Variants in KIDINS220 observed in about 807,000 individuals in gnomAD.
KIDINS220 encodes kinase D interacting substrate 220, also known as kinase D-interacting substrate of 220 kDa.
A neutral mutation model predicts 157.6 loss-of-function variants in KIDINS220; 63 were observed. The observed-to-expected ratio is 0.40, with a 90% CI of 0.33 to 0.49. The LOEUF (loss-of-function observed/expected upper bound fraction) is 0.49, where lower values mean the gene tolerates loss of function less well. Among genes scored for constraint, KIDINS220 ranks in the 20% least tolerant of loss-of-function variants. The pLI is 0.66. For missense variants in KIDINS220, 1,772 were observed against 2,171.2 expected, an observed-to-expected ratio of 0.82 and a Z score of 3.65; for synonymous variants, 732 against 783.6, an observed-to-expected ratio of 0.93 and a Z score of 1.10.
chr2:8,751,911 G>A (rs1387289724), intron 22 of KIDINS220, among the ~76,000 whole-genome samples: 1 of 152,060 alleles, frequency 6.6e-6, no homozygotes, highest in African/African-American at 2.4e-5. Context: ...CACCATGTTG[G>A]CCAGGCTGGT....
At chr2:8,796,053 T>C (rs1005408509) in intron 11 of KIDINS220, among the ~76,000 whole-genome samples, 2 of 152,202 alleles carry the variant, frequency 1.3e-5, no homozygotes, top group African/African-American at 2.4e-5. Flanking sequence ...CATAAACACA[T>C]TGACTCGTGA....
chr2:8,810,584 G>C (rs937911669), intron 6 of KIDINS220, among the ~76,000 whole-genome samples: 2 of 152,114 alleles, frequency 1.3e-5, no homozygotes, highest in Non-Finnish European at 2.9e-5. Context: ...TCAGGAGTTC[G>C]AGACCAGCCT....
chr2:8,771,129 TCA>T (rs779600271), intron 21 of KIDINS220, among the ~76,000 whole-genome samples: 10 of 152,298 alleles, frequency 6.6e-5, no homozygotes, highest in Non-Finnish European at 1.5e-4. Flanking sequence ...CAGAACTGTG[TCA>T]CACAGTTCAA....
intron 26 of KIDINS220, among the ~76,000 whole-genome samples, chr2:8,738,064 A>C (rs1043374574): frequency 6.6e-6 from 1 of 152,212 alleles, no homozygotes; most frequent in African/African-American, 2.4e-5. Flanking sequence ...AATTGTTTAC[A>C]TTTTTTGTTG....
At chr2:8,804,225 T>C (rs981765419) in intron 7 of KIDINS220, among the ~76,000 whole-genome samples, 7 of 152,220 alleles carry the variant, frequency 4.6e-5, no homozygotes, top group Non-Finnish European at 7.3e-5. Context: ...GAGGAACTGG[T>C]TGATAGTGTG....
chr2:8,831,484 C>T (rs1232677503), intron 1 of KIDINS220, among the ~76,000 whole-genome samples: 1 of 152,202 alleles, frequency 6.6e-6, no homozygotes, highest in African/African-American at 2.4e-5. Context: ...TGAACAGCTC[C>T]TACCCATCCT....
chr2:8,746,868 T>G, intron 26 of KIDINS220: 1 of 390,164 alleles, frequency 2.6e-6, no homozygotes, highest in Non-Finnish European at 4.6e-6. Context: ...CCCTGACAGC[T>G]GATAGAAAAA....
intron 14 of KIDINS220, among the ~76,000 whole-genome samples, chr2:8,789,493 T>C (rs1295649169): frequency 6.6e-6 from 1 of 152,098 alleles, no homozygotes; most frequent in East Asian, 1.9e-4. Flanking sequence ...TTTCACCATG[T>C]CAGCCAGGAT....
intron 20 of KIDINS220, among the ~76,000 whole-genome samples, chr2:8,777,260 A>T (rs993417928): frequency 2.0e-5 from 3 of 152,148 alleles, no homozygotes; most frequent in Admixed American, 6.5e-5. Flanking sequence ...TAAAGCAAAT[A>T]AGCCCTTGTC....
chr2:8,818,815 G>T (rs369910021), intron 2 of KIDINS220, 22 bp from the exon 3 acceptor site: 2 of 1,409,078 alleles, frequency 1.4e-6, no homozygotes, highest in African/African-American at 1.4e-5. Flanking sequence ...AAAAGACAAA[G>T]GGAACTTATC....
chr2:8,750,188 C>A lies in KIDINS220; in HGVS notation c.3338G>T (p.Gly1113Val). Residue 1113 changes from glycine (G) to valine (V), a missense_variant, in exon 24 of 30, where the codon GGT becomes GTT. Gly to Val is a moderately radical substitution (Grantham distance 109, BLOSUM62 -3). Transcript: ENST00000256707. ...GTGAGGCTGTGGTGACACCACTCCA[C>A]CTGCGAAGGGCCCATTGAAGGACGT... is the stretch of plus-strand genomic sequence containing the variant. ...SSTSFNGPFA[G>V]GVVSPQPHSS... The A allele has an allele frequency of 6.2e-7, 1 of 1,614,180 alleles. No individual in the cohort carries two copies. The highest frequency in any genetic ancestry group is 1.1e-5 in the South Asian group (1 of 91,082).
chr2:8,727,052 T>C (rs1475246583), downstream of KIDINS220: 2 of 986,658 alleles, frequency 2.0e-6, no homozygotes, highest in Non-Finnish European at 2.8e-6. Flanking sequence ...AACTATCCAG[T>C]GCTGGCTGTT....
At chr2:8,737,122 G>A (rs778399305) in intron 26 of KIDINS220, 123 bp from the exon 27 acceptor site, 164 of 919,848 alleles carry the variant, frequency 1.8e-4, no homozygotes, top group South Asian at 2.5e-4. Flanking sequence ...AAACAAATAT[G>A]TTTAGCATGG....
At chr2:8,792,862 C>T (rs1027010897) in intron 12 of KIDINS220, among the ~76,000 whole-genome samples, 1 of 152,104 alleles carries the variant, frequency 6.6e-6, no homozygotes, top group Non-Finnish European at 1.5e-5. Flanking sequence ...AATGGATATA[C>T]GTACAAAGGT....
intron 1 of KIDINS220, among the ~76,000 whole-genome samples, chr2:8,827,537 T>C (rs1476413129): frequency 6.6e-6 from 1 of 152,226 alleles, no homozygotes; most frequent in Non-Finnish European, 1.5e-5. Context: ...CTTTTGGCTC[T>C]ACCTGTAAAA....
chr2:8,732,020 T>A (rs990696773), intron 29 of KIDINS220, 38 bp from the exon 30 acceptor site: 1 of 1,505,954 alleles, frequency 6.6e-7, no homozygotes, highest in African/African-American at 1.4e-5. Context: ...AAAATTCAAA[T>A]AAGAAGAAAA....
intron 7 of KIDINS220, among the ~76,000 whole-genome samples, chr2:8,804,787 A>G (rs1300358796): frequency 1.3e-5 from 2 of 152,228 alleles, no homozygotes; most frequent in Admixed American, 6.5e-5. Context: ...AAATACTTCT[A>G]TGACCAGATG....
At position 8,795,616 on chromosome 2, in the gene KIDINS220, G is replaced by T. The variant is rs527781087; in HGVS notation, c.1098+1155C>A. 2.6e-5 allele frequency among the ~76,000 whole-genome samples: 4 copies of T among 152,334 alleles called. No homozygotes were observed. In the South Asian group the frequency reaches 8.3e-4, roughly 32 times the overall value. On this transcript the variant is annotated intron_variant, in intron 11 of 29. Coordinates refer to ENST00000256707, the MANE Select transcript of KIDINS220 (RefSeq NM_020738.4). Reference sequence around the variant, plus strand: ...ATGTGTTCATGAATGAACAACTGTTGCAACTATCATGTGTATTTGTCAACA... The same window carrying T: ...ATGTGTTCATGAATGAACAACTGTTTCAACTATCATGTGTATTTGTCAACA...
Position 8,730,959 on chromosome 2 carries a change from T to C in KIDINS220, c.5077A>G (p.Asn1693Asp). The change falls in exon 30 of 30, where the codon AAC (asparagine) becomes GAC (aspartate). Residue 1693 changes from asparagine (N) to aspartate (D), a missense_variant. Asn to Asp is a conservative substitution (Grantham distance 23). Around this residue, in one of 3 missense-constraint regions of KIDINS220, gnomAD observed 793 missense variants for 885.5 expected, o/e 0.90. Coordinates refer to ENST00000256707, the MANE Select transcript of KIDINS220 (RefSeq NM_020738.4). ...TCATCGAAATTTTGATTGGCTCTGT[T>C]GGCTGGAGCACTATTGTTGTTCAGA... The part of the protein sequence containing the change: ...VTLNNNSAPA[N>D]RANQNFDEME... 6.2e-7 allele frequency: 1 copy of C among 1,614,248 alleles called. No individual in the cohort carries two copies. Among genetic ancestry groups the C allele is most frequent in the African/African-American group, 1.3e-5 (1 of 75,066 alleles).
Sources: allele counts gnomAD v4.1 joint callset (sites outside exome capture counted in the v4.1 genomes callset), GRCh38; gene constraint gnomAD v4.1.1; regional missense constraint gnomAD v4.1.1; transcripts MANE v1.5; gene names NCBI Gene and HGNC (gene_info 2026-07-23, HGNC 2026-07-21).